TTLL8: variants seen among roughly 807,000 people sequenced by gnomAD.
The protein encoded by TTLL8 is protein monoglycylase TTLL8.
Under a neutral mutation model 77.8 loss-of-function variants are expected in TTLL8, and 65 were observed. The observed-to-expected ratio is 0.84, with a 90% CI of 0.68 to 1.03. The LOEUF (loss-of-function observed/expected upper bound fraction) is 1.03, where lower values mean the gene tolerates loss of function less well. Among genes scored for constraint, TTLL8 ranks in the 50% least tolerant of loss-of-function variants. The pLI is 0.00. For missense variants in TTLL8, 910 were observed against 1,004.5 expected (o/e 0.91, Z 1.27); for synonymous variants, 402 against 422.8 (o/e 0.95, Z 0.60).
At chr22:50,056,570 C>T (rs926309094), upstream of TTLL8, among the ~76,000 whole-genome samples, 9 of 152,160 alleles carry the variant, frequency 5.9e-5, no homozygotes, top group East Asian at 3.9e-4. The surrounding 1 kb of genome is among the most constrained non-coding windows in gnomAD (Gnocchi z 4.1). Context: ...AAGAGAGAGG[C>T]GAGTGCAGGG....
chr22:50,053,014 G>A (rs1489669732), intron 1 of TTLL8, among the ~76,000 whole-genome samples: 2 of 152,164 alleles, frequency 1.3e-5, no homozygotes. Context: ...CTGAGGTCAG[G>A]AGTTCAAGAC....
chr22:50,050,122 G>A (rs566585041), exon 2 of TTLL8: 73 of 1,367,032 alleles, frequency 5.3e-5, no homozygotes, highest in Admixed American at 7.6e-5. Flanking sequence ...TGACCCGGGC[G>A]CCTTCATCCT....
At chr22:50,057,021 G>C (rs1474403073), upstream of TTLL8, 1 of 1,252,752 alleles carries the variant, frequency 8.0e-7, no homozygotes, top group African/African-American at 1.5e-5. Context: ...GGGTGTGGGG[G>C]GCTCTGGGGA....
At position 50,049,238 on chromosome 22, in the gene TTLL8, AG is replaced by A; in HGVS notation, c.264+10del. ...GGCCGCAGCTGACCATGACGCATGC[AG>A]GGGACGTACCATCACGTCGTGGATG... On this transcript the variant is annotated intron_variant, in intron 3 of 13. Coordinates refer to ENST00000266182, the Ensembl canonical transcript of TTLL8. The A allele has an allele frequency of 7.3e-7, 1 of 1,367,560 alleles. No homozygotes were observed. Among genetic ancestry groups the A allele is most frequent in the Non-Finnish European group, 9.8e-7 (1 of 1,021,782 alleles). The allele number at this position is 1,367,560 out of a possible 1,614,324, so 84.7% of individuals were successfully genotyped here. A position where few individuals can be genotyped will look rare whatever the true frequency, so the allele number is the denominator to read the frequency against.
Position 50,034,734 on chromosome 22 carries a change from G to T in TTLL8, c.922-272C>A, listed in dbSNP as rs780238968. On this transcript the variant is annotated intron_variant, in intron 8 of 13. Transcript: ENST00000266182. This position sits in a 1 kb window ranked among gnomAD's most constrained non-coding sequence, Gnocchi z 4.1. Reference sequence around the variant, plus strand: ...CAGTGGGGACCCCGGTGTGTGGGTCGGAGCTGGCCACAGACCCCAAGCAGC... The same window carrying T: ...CAGTGGGGACCCCGGTGTGTGGGTCTGAGCTGGCCACAGACCCCAAGCAGC... Among the ~76,000 whole-genome samples the T allele has an allele frequency of 6.6e-6, 1 of 152,060 alleles. No homozygotes were observed. The highest frequency in any genetic ancestry group is 1.5e-5 in the Non-Finnish European group (1 of 67,998).
upstream of TTLL8, chr22:50,055,337 AAGG>A (rs1215415359): frequency 1.6e-5 from 20 of 1,289,516 alleles, no homozygotes; most frequent in East Asian, 8.3e-4. Context: ...TGCAAAAGAG[AAGG>A]AGGACATCAA....
upstream of TTLL8, among the ~76,000 whole-genome samples, chr22:50,055,789 C>T (rs1044423703): frequency 2.6e-5 from 4 of 151,908 alleles, no homozygotes; most frequent in South Asian, 2.1e-4. Flanking sequence ...GGGGTGTGGC[C>T]GGAGATTGGT....
exon 12 of TTLL8, chr22:50,030,757 C>A (rs1601913173): frequency 1.5e-6 from 2 of 1,335,630 alleles, no homozygotes; most frequent in Non-Finnish European, 2.0e-6. Context: ...GGTCCCTGGG[C>A]AGGGTCTGGC....
chr22:50,031,557 C>T, intron 11 of TTLL8, 129 bp downstream of exon 12: 7 of 1,186,232 alleles, frequency 5.9e-6, no homozygotes, highest in Non-Finnish European at 7.5e-6. Flanking sequence ...GGTCACAGAG[C>T]AGGATCGGTG....
In TTLL8 at chr22:50,029,469, C is replaced by T. The variant is rs564557221; in HGVS notation, c.2203+961G>A. Among the ~76,000 whole-genome samples, 194 of 150,540 alleles carry T rather than the reference C, an allele frequency of 1.3e-3. 1 individual carries two copies. The highest frequency in any genetic ancestry group is 6.5e-3 in the South Asian group (30 of 4,606). On this transcript the variant is annotated intron_variant, in intron 12 of 13. Transcript: ENST00000266182. ...TAAAGACCCCCCCTATTGCCGGGCG[C>T]GGTGGCTCACGCCTGTAATCCCAGC... is the stretch of plus-strand genomic sequence containing the variant.
In TTLL8 at chr22:50,044,092, A is replaced by C. The variant is rs558455458; in HGVS notation, c.643+1163T>G. Among the ~76,000 whole-genome samples, 2 of 152,306 alleles carry C rather than the reference A, an allele frequency of 1.3e-5. No individual in the cohort carries two copies. The highest frequency in any genetic ancestry group is 2.4e-5 in the African/African-American group (1 of 41,582). On this transcript the variant is annotated intron_variant, in intron 6 of 13. Transcript: ENST00000266182. The surrounding 1 kb of genome is among the most constrained non-coding windows in gnomAD (Gnocchi z 4.2). ...GTAATCCCAGCACTGTGGGAGGCCG[A>C]GGTGGGCGGATCACCTGAAGTCAGG...
chr22:50,026,311 G>C (rs4838877), intron 12 of TTLL8, among the ~76,000 whole-genome samples: 48,370 of 124,936 alleles, frequency 0.39, 9,477 homozygotes, highest in Admixed American at 0.45. Context: ...CACCTCAGAG[G>C]GGAGGGTCAG....
intron 8 of TTLL8, among the ~76,000 whole-genome samples, chr22:50,035,459 C>A (rs1171131289): frequency 6.6e-6 from 1 of 152,152 alleles, no homozygotes; most frequent in Non-Finnish European, 1.5e-5. Context: ...TGGGCGAGAG[C>A]CCCTGTAGGG....
rs1048204033 is a variant in TTLL8 at position 50,041,198 on chromosome 22, G to T, written c.910C>A (p.Arg304=). The change falls in exon 8 of 14, where the codon CGA becomes AGA. Residue 304 remains arginine, a synonymous_variant. Transcript: ENST00000266182. The surrounding 1 kb of genome is among the most constrained non-coding windows in gnomAD (Gnocchi z 4.3). ...CAGACAAACCCCACCTGCCTGTCTC[G>T]GGCTGTGGGGGGCTCAAATGACATC... 6.6e-6 allele frequency: 3 copies of T among 453,248 alleles called. No individual in the cohort carries two copies. The highest frequency in any genetic ancestry group is 8.0e-5 in the East Asian group (1 of 12,534). 28.1% of individuals were successfully genotyped at this position (453,248 alleles called of 1,614,324 possible).
At position 50,041,803 on chromosome 22, in the gene TTLL8, A is replaced by G. The variant is rs893471516; in HGVS notation, c.648T>C (p.Ala216=). 1.5e-6 allele frequency: 2 copies of G among 1,360,650 alleles called. No individual in the cohort carries two copies. Among genetic ancestry groups the G allele is most frequent in the Admixed American group, 1.9e-5 (1 of 51,380 alleles). 84.3% of individuals were successfully genotyped at this position (1,360,650 alleles called of 1,614,324 possible). The change falls in exon 7 of 14, where the codon GCT becomes GCC. Residue 216 remains alanine (A), a synonymous_variant. Coordinates refer to ENST00000266182, the Ensembl canonical transcript of TTLL8. The surrounding 1 kb of genome is among the most constrained non-coding windows in gnomAD (Gnocchi z 4.3). ...CCCTGAGCTTTGCCTCAGCATTTTC[A>G]GCATCTGAAACCCAGACACAGGCAC...
chr22:50,038,488 A>G (rs1212891942), intron 8 of TTLL8, among the ~76,000 whole-genome samples: 1 of 152,156 alleles, frequency 6.6e-6, no homozygotes, highest in Non-Finnish European at 1.5e-5. Flanking sequence ...ACTACGAAAT[A>G]TGTTAGCTGT....
chr22:50,035,141 G>C (rs186423025), intron 8 of TTLL8, among the ~76,000 whole-genome samples: 47 of 152,328 alleles, frequency 3.1e-4, no homozygotes, highest in Admixed American at 2.5e-3. Flanking sequence ...GCCAGTACCA[G>C]CAGCTGCCCC....
At chr22:50,032,077 T>G (rs547519399) in exon 11 of TTLL8, 1 of 1,364,352 alleles carries the variant, frequency 7.3e-7, no homozygotes, top group Non-Finnish European at 9.8e-7. Context: ...CTTCAGGTAC[T>G]TCTGGACGGC....
At chr22:50,030,491 C>A in exon 12 of TTLL8, 1 of 1,344,024 alleles carries the variant, frequency 7.4e-7, no homozygotes, top group Non-Finnish European at 9.9e-7. Flanking sequence ...GCAGCACAGG[C>A]TCCAGCGGGT....
Sources: gnomAD v4.1 joint callset for allele counts (sites outside exome capture counted in the v4.1 genomes callset) on GRCh38, gnomAD v4.1.1 for gene constraint, Gnocchi (gnomAD v3.1) non-coding constraint, MANE v1.5 for transcripts, NCBI Gene and HGNC (gene_info 2026-07-23, HGNC 2026-07-21) for gene names.